RPS6KA2: variants seen among roughly 807,000 people sequenced by gnomAD.
RPS6KA2 encodes the protein ribosomal protein S6 kinase alpha-2.
Under a neutral mutation model 91.8 loss-of-function variants are expected in RPS6KA2, and 42 were observed. That is an observed-to-expected ratio of 0.46 (90% CI 0.36 to 0.59). The LOEUF (loss-of-function observed/expected upper bound fraction) is 0.59. RPS6KA2 is among the 20% of genes least tolerant of loss of function. The probability of loss-of-function intolerance (pLI) is 0.00; values close to 1 mark genes in which losing one functional copy is unlikely to be tolerated. For synonymous variants in RPS6KA2, 414 were observed against 393.6 expected (o/e 1.05, Z -0.61); for missense variants, 798 against 978.5 (o/e 0.82, Z 2.46).
chr6:166,541,657 T>A (rs1783659451), intron 1 of RPS6KA2, among the ~76,000 whole-genome samples: 1 of 152,172 alleles, frequency 6.6e-6, no homozygotes, highest in African/African-American at 2.4e-5. Context: ...TGCCATCCCC[T>A]GTTGCCTCCC....
intron 12 of RPS6KA2, among the ~76,000 whole-genome samples, chr6:166,451,936 A>T (rs1779929665): frequency 6.6e-6 from 1 of 152,244 alleles, no homozygotes; most frequent in African/African-American, 2.4e-5. Flanking sequence ...AATCTGCATC[A>T]TACATAACAG....
intron 2 of RPS6KA2, among the ~76,000 whole-genome samples, chr6:166,686,466 C>A (rs957058854): frequency 1.1e-4 from 17 of 152,172 alleles, no homozygotes; most frequent in African/African-American, 3.4e-4. Context: ...GATGCCAAAC[C>A]AGCACCTCCC....
intron 8 of RPS6KA2, among the ~76,000 whole-genome samples, chr6:166,492,733 T>C (rs2128474653): frequency 6.8e-6 from 1 of 146,704 alleles, no homozygotes; most frequent in African/African-American, 2.5e-5. Context: ...TTTTTTTTTT[T>C]TTGAGATGGA....
At chr6:166,497,374 C>T (rs901407164) in intron 8 of RPS6KA2, among the ~76,000 whole-genome samples, 7 of 152,364 alleles carry the variant, frequency 4.6e-5, no homozygotes, top group South Asian at 4.1e-4. Context: ...TGACCAGGGA[C>T]GGAAGGGGCT....
intron 19 of RPS6KA2, among the ~76,000 whole-genome samples, chr6:166,417,659 A>G (rs1368608477): frequency 6.6e-6 from 1 of 151,566 alleles, no homozygotes; most frequent in Admixed American, 6.6e-5. Flanking sequence ...ACACGCACGC[A>G]TGTTCTGTTT....
chr6:166,707,253 C>T (rs900167990), intron 2 of RPS6KA2, among the ~76,000 whole-genome samples: 4 of 152,202 alleles, frequency 2.6e-5, no homozygotes, highest in Admixed American at 2.0e-4. Context: ...GACGGCAGCC[C>T]GGCAGCCACG....
intron 14 of RPS6KA2, among the ~76,000 whole-genome samples, chr6:166,439,365 T>G (rs1050150271): frequency 6.6e-6 from 1 of 152,194 alleles, no homozygotes; most frequent in African/African-American, 2.4e-5. Flanking sequence ...GCCTTGGCCT[T>G]TCAATGTGCT....
At chr6:166,843,547 G>A (rs1038768835) in intron 2 of RPS6KA2, among the ~76,000 whole-genome samples, 2 of 152,180 alleles carry the variant, frequency 1.3e-5, no homozygotes, top group Non-Finnish European at 2.9e-5. Flanking sequence ...ACTGGAGCAG[G>A]TGCTGGTATC....
rs368523941 is a variant in RPS6KA2, at chr6:166,758,476, GC to G, written c.123+99723del. ...TGCCATGGAGCCCTGCCTTGGTTCT[GC>G]CAGAAGCGTCCAGGGCTCCGTGTGA... On this transcript the variant is annotated intron_variant, in intron 2 of 21. Coordinates refer to the RPS6KA2 transcript ENST00000503859. 2.2e-4 allele frequency among the ~76,000 whole-genome samples: 34 copies of G among 152,332 alleles called. No individual in the cohort carries two copies. The East Asian group carries it at 5.2e-3, about 23-fold the overall frequency.
At chr6:166,707,835 C>T (rs1256829053) in intron 2 of RPS6KA2, among the ~76,000 whole-genome samples, 1 of 152,048 alleles carries the variant, frequency 6.6e-6, no homozygotes, top group African/African-American at 2.4e-5. Context: ...CCTTGACCTC[C>T]CAGGCTCAAG....
chr6:166,730,815 ACTC>A (rs1790489539), intron 2 of RPS6KA2, among the ~76,000 whole-genome samples: 1 of 152,092 alleles, frequency 6.6e-6, no homozygotes, highest in Non-Finnish European at 1.5e-5. Flanking sequence ...AATCTGGGAA[ACTC>A]ATTTTGATGC....
chr6:166,748,518 G>C (rs1554254545), intron 2 of RPS6KA2, among the ~76,000 whole-genome samples: 1 of 151,560 alleles, frequency 6.6e-6, no homozygotes, highest in Non-Finnish European at 1.5e-5. Context: ...GCCTCCATGG[G>C]GGCCCCACCT....
Position 166,488,891 on chromosome 6 carries a change from A to T in RPS6KA2, c.849T>A (p.Ser283Arg). 6.2e-7 allele frequency: 1 copy of T among 1,613,756 alleles called. No individual in the cohort carries two copies. Among genetic ancestry groups the T allele is most frequent in the Non-Finnish European group, 8.5e-7 (1 of 1,179,866 alleles). Residue 283 changes from serine to arginine, a missense_variant, in exon 10 of 21, where the codon AGT becomes AGA. By Grantham distance (110) the Ser-to-Arg change is moderately radical (BLOSUM62 -1). Transcript: ENST00000265678. ...KAKLGMPQFL[S>R]GEAQSLLRAL... ...CTCGCAGCAAACTCTGTGCCTCCCC[A>T]CTGAGGAACTGCGGCATCCCCAGCT...
chr6:166,744,708 A>G (rs1229644397), intron 2 of RPS6KA2, among the ~76,000 whole-genome samples: 3 of 152,042 alleles, frequency 2.0e-5, no homozygotes, highest in Admixed American at 6.5e-5. Flanking sequence ...GGAGGAGATG[A>G]CACCTGGGGG....
At position 166,448,083 on chromosome 6, in the gene RPS6KA2, C is replaced by T. The variant is rs1423289525; in HGVS notation, c.1332+641G>A. The stretch of plus-strand genomic sequence containing the variant: ...TCAAATATTTAAGCAGCAACAATTA[C>T]GAAAGCTAAAGTTACTATGTAGAGA... On this transcript the variant is annotated intron_variant, in intron 14 of 20. Transcript: ENST00000265678. This position sits in a 1 kb window ranked among gnomAD's most constrained non-coding sequence, Gnocchi z 4.7. 1.3e-5 allele frequency among the ~76,000 whole-genome samples: 2 copies of T among 151,476 alleles called. No homozygotes were observed. Among genetic ancestry groups the T allele is most frequent in the Non-Finnish European group, 2.9e-5 (2 of 67,896 alleles).
intron 13 of RPS6KA2, among the ~76,000 whole-genome samples, chr6:166,449,799 C>CATT (rs1779797618): frequency 8.9e-6 from 1 of 112,428 alleles, no homozygotes; most frequent in Admixed American, 9.7e-5. Flanking sequence ...TGGGAGCCAC[C>CATT]ACGGGGACCA....
rs1264233034 is a variant in RPS6KA2, at chr6:166,733,708, G to A, written c.123+124492C>T. Reference sequence around the variant, plus strand: ...TCCCAGGCACAGGTCACATTTCAGCGGGTTCCGGAGCTCACTCTAAGTGGG... The same window carrying A: ...TCCCAGGCACAGGTCACATTTCAGCAGGTTCCGGAGCTCACTCTAAGTGGG... On this transcript the variant is annotated intron_variant, in intron 2 of 21. Transcript: ENST00000503859. The surrounding 1 kb of genome is among the most constrained non-coding windows in gnomAD (Gnocchi z 4.1). 2.6e-5 allele frequency among the ~76,000 whole-genome samples: 4 copies of A among 152,206 alleles called. No individual in the cohort carries two copies. Among genetic ancestry groups the A allele is most frequent in the Non-Finnish European group, 2.9e-5 (2 of 68,042 alleles).
At chr6:166,541,498 A>G (rs1783652194) in intron 1 of RPS6KA2, among the ~76,000 whole-genome samples, 1 of 152,156 alleles carries the variant, frequency 6.6e-6, no homozygotes, top group Admixed American at 6.5e-5. Context: ...TTGTGGGACT[A>G]GGCTCTGAAG....
chr6:166,786,470 T>G (rs906378123), intron 2 of RPS6KA2, among the ~76,000 whole-genome samples: 14 of 150,834 alleles, frequency 9.3e-5, no homozygotes, highest in African/African-American at 3.2e-4. Context: ...ACAAAATAAT[T>G]CATGAATGAT....
Sources: gnomAD v4.1 joint callset for allele counts (sites outside exome capture counted in the v4.1 genomes callset) on GRCh38, gnomAD v4.1.1 for gene constraint, Gnocchi (gnomAD v3.1) non-coding constraint, MANE v1.5 for transcripts, NCBI Gene and HGNC (gene_info 2026-07-23, HGNC 2026-07-21) for gene names.